PRELID2: variants seen among roughly 807,000 people sequenced by gnomAD.
The protein encoded by PRELID2 is PRELI domain-containing protein 2.
A neutral mutation model predicts 28.4 loss-of-function variants in PRELID2; 25 were observed. That is an observed-to-expected ratio of 0.88 (90% CI 0.64 to 1.23). The LOEUF is 1.23. Among genes scored for constraint, PRELID2 ranks in the 50% most tolerant of loss-of-function variants. The pLI is 0.00. For missense variants in PRELID2, 201 were observed against 214.4 expected (o/e 0.94, Z 0.39); for synonymous variants, 76 against 71.6 (o/e 1.06, Z -0.31).
At chr5:145,734,173 T>C (rs1756429346) in intron 1 of PRELID2, among the ~76,000 whole-genome samples, 1 of 152,106 alleles carries the variant, frequency 6.6e-6, no homozygotes, top group Non-Finnish European at 1.5e-5. Flanking sequence ...TGGAGTGCAG[T>C]GGCATGATCA....
chr5:145,604,396 G>A (rs1753465569), intron 1 of PRELID2, among the ~76,000 whole-genome samples: 1 of 151,894 alleles, frequency 6.6e-6, no homozygotes, highest in African/African-American at 2.4e-5. Flanking sequence ...GCCTCCAGTT[G>A]CAAAGGATAT....
At chr5:145,520,676 C>T (rs555834760) in intron 1 of PRELID2, among the ~76,000 whole-genome samples, 10 of 152,236 alleles carry the variant, frequency 6.6e-5, no homozygotes, top group Admixed American at 6.5e-4. Context: ...CCTATAAATA[C>T]CCATTCCTAT....
the PRELID2 span, among the ~76,000 whole-genome samples, chr5:145,323,008 C>T: frequency 3.3e-5 from 5 of 152,042 alleles, no homozygotes; most frequent in Admixed American, 6.6e-5. Context: ...AATAAATAAA[C>T]GAATAAATAC....
At chr5:145,661,185 T>C (rs570691726) in intron 1 of PRELID2, among the ~76,000 whole-genome samples, 7 of 152,272 alleles carry the variant, frequency 4.6e-5, no homozygotes, top group African/African-American at 1.7e-4. Flanking sequence ...TACAAAACAC[T>C]CTAGAATAGT....
At position 145,819,935 on chromosome 5, in the gene PRELID2, A is replaced by G. The variant is rs1754643087; in HGVS notation, c.207+10T>C. ...GTTACAACTGTGATTACATTTTAAA[A>G]TGAACTTACCTTCCTTAAAATTTCT... On this transcript the variant is annotated intron_variant, in intron 3 of 6. Coordinates refer to ENST00000683046, the MANE Select transcript of PRELID2 (RefSeq NM_205846.3). 2 of 1,531,228 alleles carry G rather than the reference A, an allele frequency of 1.3e-6. No homozygotes were observed. Among genetic ancestry groups the G allele is most frequent in the African/African-American group, 1.4e-5 (1 of 72,872 alleles). The allele number at this position is 1,531,228 out of a possible 1,614,324, so 94.9% of individuals were successfully genotyped here.
the PRELID2 span, among the ~76,000 whole-genome samples, chr5:145,377,622 C>A: frequency 6.6e-6 from 1 of 151,938 alleles, no homozygotes; most frequent in Non-Finnish European, 1.5e-5. Flanking sequence ...TATGCAATGT[C>A]CTTCTTTGTC....
At chr5:145,679,134 T>C (rs1486100582) in intron 1 of PRELID2, among the ~76,000 whole-genome samples, 1 of 152,190 alleles carries the variant, frequency 6.6e-6, no homozygotes, top group Non-Finnish European at 1.5e-5. Context: ...ACTAATAAAC[T>C]CTTCCAAGCC....
the PRELID2 span, among the ~76,000 whole-genome samples, chr5:145,426,691 G>A: frequency 6.6e-6 from 1 of 152,040 alleles, no homozygotes; most frequent in East Asian, 1.9e-4. Context: ...TTACAGGTGA[G>A]AAAACAACAA....
chr5:145,382,093 T>C, the PRELID2 span, among the ~76,000 whole-genome samples: 3 of 151,836 alleles, frequency 2.0e-5, no homozygotes, highest in East Asian at 5.8e-4. Context: ...ATATAGAAAT[T>C]CTAACACTTA....
Position 145,766,963 on chromosome 5 carries a change from A to G in PRELID2, c.475-1963T>C, listed in dbSNP as rs534131617. On this transcript the variant is annotated intron_variant, in intron 5 of 6. Coordinates refer to ENST00000683046, the MANE Select transcript of PRELID2 (RefSeq NM_205846.3). ...AGGCCTGAGTCTGTATGTGTGTAACATACTTCATGTTGATAAGGACAGGTG... is the reference window on the plus strand; with the variant it reads ...AGGCCTGAGTCTGTATGTGTGTAACGTACTTCATGTTGATAAGGACAGGTG... Among the ~76,000 whole-genome samples the G allele has an allele frequency of 1.5e-4, 23 of 152,286 alleles. No individual in the cohort carries two copies. In the South Asian group the frequency reaches 3.5e-3, roughly 23 times the overall value.
chr5:145,512,915 TAACA>T (rs1283423156), intron 1 of PRELID2, among the ~76,000 whole-genome samples: 3 of 151,930 alleles, frequency 2.0e-5, no homozygotes, highest in African/African-American at 7.3e-5. Flanking sequence ...GAAGGAAAAC[TAACA>T]AACAGAAAGG....
exon 3 of PRELID2, chr5:145,471,873 G>A (rs1468673244): frequency 4.6e-5 from 7 of 152,128 alleles, no homozygotes; most frequent in Admixed American, 4.6e-4. Context: ...GGGAGAGCTG[G>A]AGGAGCCAGC....
At chr5:145,793,828 A>G (rs922342013) in intron 5 of PRELID2, among the ~76,000 whole-genome samples, 2 of 151,964 alleles carry the variant, frequency 1.3e-5, no homozygotes, top group African/African-American at 4.8e-5. Flanking sequence ...GGTGAATGAA[A>G]CCACTTCTGC....
chr5:145,824,009 C>A (rs561418180), intron 1 of PRELID2, among the ~76,000 whole-genome samples: 5 of 152,090 alleles, frequency 3.3e-5, no homozygotes, highest in South Asian at 4.2e-4. Flanking sequence ...CATAATTTAC[C>A]CCCGATACTT....
chr5:145,806,519 G>T (rs954240057), intron 4 of PRELID2, among the ~76,000 whole-genome samples: 9 of 152,142 alleles, frequency 5.9e-5, no homozygotes, highest in Non-Finnish European at 1.0e-4. Flanking sequence ...GCCTAAGGCT[G>T]TTTAACAGTT....
chr5:145,823,559 A>G (rs1754974725), intron 1 of PRELID2, among the ~76,000 whole-genome samples: 1 of 152,184 alleles, frequency 6.6e-6, no homozygotes, highest in Non-Finnish European at 1.5e-5. Context: ...TCTTTCAGAT[A>G]CGGAAACTGA....
the PRELID2 span, among the ~76,000 whole-genome samples, chr5:145,321,265 C>T: frequency 6.6e-6 from 1 of 152,092 alleles, no homozygotes; most frequent in African/African-American, 2.4e-5. Context: ...ACCAAAGTTA[C>T]TAAGGAGGAA....
the PRELID2 span, among the ~76,000 whole-genome samples, chr5:145,231,445 GGAGA>G: frequency 1.3e-5 from 2 of 152,102 alleles, no homozygotes; most frequent in South Asian, 4.1e-4. Context: ...CTACACTGAG[GGAGA>G]GAGTCAGGAA....
chr5:145,512,422 G>T (rs965484811), intron 1 of PRELID2, among the ~76,000 whole-genome samples: 4 of 152,200 alleles, frequency 2.6e-5, no homozygotes, highest in Admixed American at 6.5e-5. Context: ...TGGCAAAGCT[G>T]CTGTAGCCAG....
Sources: allele counts gnomAD v4.1 joint callset (sites outside exome capture counted in the v4.1 genomes callset), GRCh38; gene constraint gnomAD v4.1.1; transcripts MANE v1.5; gene names NCBI Gene and HGNC (gene_info 2026-07-23, HGNC 2026-07-21).